The following RPS6KA2 variants were observed in gnomAD, a reference collection of about 807,000 sequenced individuals.
RPS6KA2 encodes the protein ribosomal protein S6 kinase alpha-2.
Under a neutral mutation model 91.8 loss-of-function variants are expected in RPS6KA2, and 42 were observed. The observed-to-expected ratio is 0.46, with a 90% CI of 0.36 to 0.59. RPS6KA2 has a LOEUF of 0.59. Ranked by LOEUF, RPS6KA2 falls within the 20% of genes least tolerant of loss-of-function variation. The pLI is 0.00. For synonymous variants in RPS6KA2, 414 were observed against 393.6 expected (o/e 1.05, Z -0.61); for missense variants, 798 against 978.5 (o/e 0.82, Z 2.46).
intron 12 of RPS6KA2, among the ~76,000 whole-genome samples, chr6:166,455,199 C>T (rs181112181): frequency 1.5e-3 from 229 of 152,210 alleles, no homozygotes; most frequent in African/African-American, 5.4e-3. Context: ...CACGGTGCGG[C>T]AGGTGTGTGG....
intron 10 of RPS6KA2, among the ~76,000 whole-genome samples, chr6:166,480,011 G>C (rs1781132805): frequency 6.6e-6 from 1 of 152,114 alleles, no homozygotes; most frequent in Non-Finnish European, 1.5e-5. Flanking sequence ...CCGTCCCTGG[G>C]TGATGTGGGT....
chr6:166,423,212 T>G lies in RPS6KA2; in HGVS notation c.1743+44A>C. ...GCAGTGGGAGGGGGCAGAGCCTGTCTTTGCGGATAGAGAGGCCTGGGTCTG... is the reference window on the plus strand; with the variant it reads ...GCAGTGGGAGGGGGCAGAGCCTGTCGTTGCGGATAGAGAGGCCTGGGTCTG... On this transcript the variant is annotated intron_variant, in intron 17 of 20. Coordinates refer to ENST00000265678, the MANE Select transcript of RPS6KA2 (RefSeq NM_021135.6). This position sits in a 1 kb window ranked among gnomAD's most constrained non-coding sequence, Gnocchi z 4.8. 1 of 1,571,280 alleles carries G rather than the reference T, an allele frequency of 6.4e-7. No homozygotes were observed. Among genetic ancestry groups the G allele is most frequent in the Non-Finnish European group, 8.7e-7 (1 of 1,152,920 alleles).
chr6:166,458,110 A>G (rs778811545), intron 12 of RPS6KA2, among the ~76,000 whole-genome samples: 60 of 152,254 alleles, frequency 3.9e-4, no homozygotes, highest in East Asian at 7.7e-4. Context: ...CCTACCCCCA[A>G]GTGTAACTGT....
intron 10 of RPS6KA2, among the ~76,000 whole-genome samples, chr6:166,488,217 C>A (rs1428197345): frequency 6.6e-6 from 1 of 150,828 alleles, no homozygotes; most frequent in Non-Finnish European, 1.5e-5. Flanking sequence ...AAACACCCTG[C>A]TCTTGCTGCT....
intron 2 of RPS6KA2, among the ~76,000 whole-genome samples, chr6:166,758,525 G>A (rs189530515): frequency 2.4e-3 from 365 of 152,284 alleles, no homozygotes; most frequent in Middle Eastern, 6.8e-3. Context: ...GAGTACAGGC[G>A]GCAGGTTCAG....
rs1337449953 is a variant in RPS6KA2 at position 166,851,533 on chromosome 6, C to A, written c.123+6667G>T. Among the ~76,000 whole-genome samples, 5 of 152,226 alleles carry A rather than the reference C, an allele frequency of 3.3e-5. No homozygotes were observed. The South Asian group carries it at 6.2e-4, about 19-fold the overall frequency. ...CCCAGAGGCTACAAGGAAGCCCCCA[C>A]AGGCCATTTGCTGGTGCACACTCCC... On this transcript the variant is annotated intron_variant, in intron 2 of 21. Transcript: ENST00000503859.
At chr6:166,588,674 T>A (rs1299334023) in intron 1 of RPS6KA2, among the ~76,000 whole-genome samples, 1 of 152,234 alleles carries the variant, frequency 6.6e-6, no homozygotes, top group Admixed American at 6.5e-5. Flanking sequence ...GATCGTCTGA[T>A]CTCAACTCCA....
Position 166,488,935 on chromosome 6 carries a change from TC to T in RPS6KA2, c.819-15del, listed in dbSNP as rs1468756996. The T allele has an allele frequency of 6.2e-7, 1 of 1,607,058 alleles. No individual in the cohort carries two copies. Among genetic ancestry groups the T allele is most frequent in the Non-Finnish European group, 8.5e-7 (1 of 1,175,184 alleles). On this transcript the variant is annotated splice_polypyrimidine_tract_variant and intron_variant, in intron 9 of 20. Transcript: ENST00000265678. ...CCCAGCTTGGCTCTGAAAAACAAGA[TC>T]CTATTTTAGGATCTATTTTAGGAGA...
chr6:166,466,898 C>CCTCATTCACTCCCTCA (rs1554277334), intron 11 of RPS6KA2, among the ~76,000 whole-genome samples: 1 of 150,198 alleles, frequency 6.7e-6, no homozygotes, highest in Non-Finnish European at 1.5e-5. Flanking sequence ...TCACTCACTC[C>CCTCATTCACTCCCTCA]CTCATTCACT....
chr6:166,861,467 G>A (rs1439664967), intron 1 of RPS6KA2, among the ~76,000 whole-genome samples: 1 of 152,226 alleles, frequency 6.6e-6, no homozygotes, highest in African/African-American at 2.4e-5. Flanking sequence ...TGGAGCAGAG[G>A]TTTGCGTGTC....
intron 3 of RPS6KA2, among the ~76,000 whole-genome samples, chr6:166,519,478 C>G (rs3799663): frequency 6.6e-6 from 1 of 152,144 alleles, no homozygotes; most frequent in Admixed American, 6.5e-5. Flanking sequence ...TGCCGCGTTT[C>G]GGGTTTGGAT....
At chr6:166,582,774 T>C (rs940509612) in intron 1 of RPS6KA2, among the ~76,000 whole-genome samples, 2 of 152,202 alleles carry the variant, frequency 1.3e-5, no homozygotes, top group East Asian at 3.8e-4. Context: ...GGGGTTCTTA[T>C]GTAAGAATTG....
At chr6:166,689,981 C>T (rs576901990) in intron 2 of RPS6KA2, among the ~76,000 whole-genome samples, 1 of 152,258 alleles carries the variant, frequency 6.6e-6, no homozygotes, top group Non-Finnish European at 1.5e-5. Context: ...GGAGTCCACA[C>T]TGCGTTCCCT....
At chr6:166,669,927 C>T (rs1031920050) in intron 2 of RPS6KA2, among the ~76,000 whole-genome samples, 6 of 152,182 alleles carry the variant, frequency 3.9e-5, no homozygotes, top group African/African-American at 2.4e-5. Context: ...ACGTGGGGCC[C>T]GGGAAGTCCT....
chr6:166,621,737 TA>T (rs1484856989), intron 1 of RPS6KA2, among the ~76,000 whole-genome samples: 1 of 152,146 alleles, frequency 6.6e-6, no homozygotes, highest in African/African-American at 2.4e-5. Flanking sequence ...TCATACAAAG[TA>T]AACTCATCCT....
At chr6:166,848,727 T>A (rs1780664706) in intron 2 of RPS6KA2, among the ~76,000 whole-genome samples, 1 of 151,856 alleles carries the variant, frequency 6.6e-6, no homozygotes, top group South Asian at 2.1e-4. Context: ...ATAAGAAGGA[T>A]TCAACGGACT....
At chr6:166,729,445 C>A (rs1583056321) in intron 2 of RPS6KA2, among the ~76,000 whole-genome samples, 1 of 152,312 alleles carries the variant, frequency 6.6e-6, no homozygotes, top group East Asian at 1.9e-4. Flanking sequence ...CCTCCTGGGG[C>A]TCAGATGATC....
At chr6:166,798,240 C>A (rs1436660414) in intron 2 of RPS6KA2, among the ~76,000 whole-genome samples, 1 of 152,204 alleles carries the variant, frequency 6.6e-6, no homozygotes, top group East Asian at 1.9e-4. Flanking sequence ...GTGGCCCCTG[C>A]AAGTCCTTGC....
rs140141805 is a variant in RPS6KA2, at chr6:166,480,536, A to G, written c.907+8297T>C. Among the ~76,000 whole-genome samples the G allele has an allele frequency of 1.4e-3, 183 of 135,148 alleles. 2 individuals carry two copies. Among genetic ancestry groups the G allele is most frequent in the African/African-American group, 5.2e-3 (177 of 33,780 alleles). The allele number at this position is 135,148 out of a possible 152,430, so 88.7% of individuals were successfully genotyped here. On this transcript the variant is annotated intron_variant, in intron 10 of 20. Transcript: ENST00000265678. ...ATATAATATATTTTTTTTTTTTGAG[A>G]GAGAGTTTTGCTCTGTTGCCCAGGC... is the stretch of plus-strand genomic sequence containing the variant.
Sources: gnomAD v4.1 joint callset for allele counts (sites outside exome capture counted in the v4.1 genomes callset) on GRCh38, gnomAD v4.1.1 for gene constraint, Gnocchi (gnomAD v3.1) non-coding constraint, MANE v1.5 for transcripts, NCBI Gene and HGNC (gene_info 2026-07-23, HGNC 2026-07-21) for gene names.